SLC4A10: variants seen among roughly 807,000 people sequenced by gnomAD.
SLC4A10 encodes the protein solute carrier family 4 member 10.
Under a neutral mutation model 137.7 loss-of-function variants are expected in SLC4A10, and 42 were observed. The observed-to-expected ratio is 0.30, with a 90% CI of 0.24 to 0.39. The LOEUF is 0.39. Ranked by LOEUF, SLC4A10 falls within the 10% of genes least tolerant of loss-of-function variation. The probability of loss-of-function intolerance (pLI) is 1.00; values close to 1 mark genes in which losing one functional copy is unlikely to be tolerated. For missense variants in SLC4A10, 925 were observed against 1,355.0 expected (o/e 0.68, Z 4.98); for synonymous variants, 474 against 464.1 (o/e 1.02, Z -0.27).
chr2:161,685,637 A>AAC (rs2041322524), intron 1 of SLC4A10, among the ~76,000 whole-genome samples: 1 of 110,810 alleles, frequency 9.0e-6, no homozygotes, highest in African/African-American at 3.7e-5. Context: ...CAAACAAACA[A>AAC]AAAAAAAAAC....
intron 1 of SLC4A10, among the ~76,000 whole-genome samples, chr2:161,697,487 G>A (rs1559054105): frequency 6.6e-6 from 1 of 152,102 alleles, no homozygotes; most frequent in Non-Finnish European, 1.5e-5. Flanking sequence ...TTTGTACAAG[G>A]TGTAAGGAAG....
chr2:161,820,050 G>T (rs1025399839), intron 3 of SLC4A10, among the ~76,000 whole-genome samples: 4 of 152,038 alleles, frequency 2.6e-5, no homozygotes, highest in African/African-American at 9.7e-5. Flanking sequence ...ATAAGAAGTA[G>T]AAATAAATCT....
chr2:161,807,283 C>G (rs990010554), intron 3 of SLC4A10, among the ~76,000 whole-genome samples: 2 of 152,116 alleles, frequency 1.3e-5, no homozygotes, highest in African/African-American at 4.8e-5. Flanking sequence ...TGTGAATGCT[C>G]TCTCATTGAA....
intron 1 of SLC4A10, among the ~76,000 whole-genome samples, chr2:161,742,382 T>C (rs893876692): frequency 6.6e-6 from 1 of 151,976 alleles, no homozygotes; most frequent in Non-Finnish European, 1.5e-5. Context: ...TTTTTAGTTT[T>C]CTGGGAAACC....
At chr2:161,964,993 T>C (rs958343143) in intron 22 of SLC4A10, 58 bp from the exon 23 acceptor site, 1 of 1,543,522 alleles carries the variant, frequency 6.5e-7, no homozygotes, top group South Asian at 1.2e-5. Flanking sequence ...TACAGGCAAA[T>C]CTACACCTCT....
rs183958304 is a variant in SLC4A10 at position 161,867,771 on chromosome 2, G to C, written c.767-4522G>C. Among the ~76,000 whole-genome samples, 2 of 151,820 alleles carry C rather than the reference G, an allele frequency of 1.3e-5. 1 individual carries two copies. Among genetic ancestry groups the C allele is most frequent in the Admixed American group, 1.3e-4 (2 of 15,234 alleles). ...AAATATTTAGCCCTTCTTTCTTCAT[G>C]TTTTCTATTCCCATGAATAAATGTA... On this transcript the variant is annotated intron_variant, in intron 6 of 26. Transcript: ENST00000446997.
At position 161,841,250 on chromosome 2, in the gene SLC4A10, G is replaced by C. The variant is rs192511561; in HGVS notation, c.416+1323G>C. 4.2e-3 allele frequency among the ~76,000 whole-genome samples: 640 copies of C among 152,010 alleles called. 6 individuals carry two copies. The highest frequency in any genetic ancestry group is 4.1e-3 in the Non-Finnish European group (281 of 67,974). On this transcript the variant is annotated intron_variant, in intron 4 of 26. Transcript: ENST00000446997. ...CTGCCACCGCGCCCAGCTAATTTTTGTATTTTTAGTAGAGACAGGGTTTCA... is the reference window on the plus strand; with the variant it reads ...CTGCCACCGCGCCCAGCTAATTTTTCTATTTTTAGTAGAGACAGGGTTTCA...
intron 15 of SLC4A10, among the ~76,000 whole-genome samples, chr2:161,921,121 G>A (rs940208878): frequency 3.9e-5 from 6 of 152,214 alleles, no homozygotes; most frequent in African/African-American, 4.8e-5. Context: ...GTGCCCTGGA[G>A]AGCTCAGAAG....
intron 1 of SLC4A10, among the ~76,000 whole-genome samples, chr2:161,675,913 A>G (rs1309585133): frequency 6.6e-6 from 1 of 152,164 alleles, no homozygotes; most frequent in African/African-American, 2.4e-5. Flanking sequence ...CTTCTCCCAC[A>G]AGTATTTGAA....
chr2:161,724,797 G>A (rs1236502834), intron 1 of SLC4A10, among the ~76,000 whole-genome samples: 1 of 152,042 alleles, frequency 6.6e-6, no homozygotes, highest in South Asian at 2.1e-4. Context: ...TTTACATTAA[G>A]TAGCACTTCC....
chr2:161,881,485 A>C (rs2061777319), intron 9 of SLC4A10, among the ~76,000 whole-genome samples: 1 of 152,062 alleles, frequency 6.6e-6, no homozygotes, highest in African/African-American at 2.4e-5. Flanking sequence ...CAATCTCTAA[A>C]GATTACAACT....
At chr2:161,747,010 G>A (rs1484322485) in intron 1 of SLC4A10, among the ~76,000 whole-genome samples, 1 of 152,120 alleles carries the variant, frequency 6.6e-6, no homozygotes, top group East Asian at 1.9e-4. Context: ...TTCAAGCTGT[G>A]ATGCCTGGAT....
At chr2:161,951,535 G>T (rs932305098) in intron 19 of SLC4A10, among the ~76,000 whole-genome samples, 18 of 152,078 alleles carry the variant, frequency 1.2e-4, no homozygotes, top group African/African-American at 4.3e-4. Context: ...AAATAAAATC[G>T]ATGAAATCAT....
At chr2:161,699,813 C>T (rs1284920062) in intron 1 of SLC4A10, among the ~76,000 whole-genome samples, 2 of 152,062 alleles carry the variant, frequency 1.3e-5, no homozygotes, top group Non-Finnish European at 2.9e-5. Context: ...AGGAGAGAGG[C>T]CTGCATTCTA....
At chr2:161,763,408 C>T (rs373707181) in intron 1 of SLC4A10, among the ~76,000 whole-genome samples, 22 of 152,014 alleles carry the variant, frequency 1.4e-4, no homozygotes, top group East Asian at 5.8e-4. Flanking sequence ...GTTTAATGAA[C>T]GGACTATTTA....
intron 8 of SLC4A10, among the ~76,000 whole-genome samples, chr2:161,878,838 C>T (rs888565358): frequency 9.2e-5 from 14 of 152,092 alleles, no homozygotes; most frequent in Admixed American, 9.2e-4. Context: ...TTTAACTGAA[C>T]TCACATACTT....
chr2:161,945,230 ATATATT>A (rs1429780229), intron 16 of SLC4A10, among the ~76,000 whole-genome samples: 21 of 97,094 alleles, frequency 2.2e-4, no homozygotes, highest in African/African-American at 6.6e-4. Context: ...ATATATATAT[ATATATT>A]TGTCAGTATC....
chr2:161,864,514 G>C (rs148937018), intron 6 of SLC4A10, among the ~76,000 whole-genome samples: 2 of 152,256 alleles, frequency 1.3e-5, no homozygotes, highest in African/African-American at 4.8e-5. Flanking sequence ...TCAGAATGTA[G>C]AACCAGTTCT....
At chr2:161,973,026 T>C (rs1698818872) in intron 23 of SLC4A10, among the ~76,000 whole-genome samples, 1 of 152,152 alleles carries the variant, frequency 6.6e-6, no homozygotes, top group African/African-American at 2.4e-5. Context: ...GGAAAAGTCT[T>C]GCATGCCAGG....
Sources: gnomAD v4.1 joint callset for allele counts (sites outside exome capture counted in the v4.1 genomes callset) on GRCh38, gnomAD v4.1.1 for gene constraint, MANE v1.5 for transcripts, NCBI Gene and HGNC (gene_info 2026-07-23, HGNC 2026-07-21) for gene names.